ATRNL1: variants seen among roughly 807,000 people sequenced by gnomAD.
ATRNL1 encodes attractin like 1.
Under a neutral mutation model 182.7 loss-of-function variants are expected in ATRNL1, and 95 were observed. The ratio of observed to expected loss-of-function variants is 0.52; its 90% CI spans 0.44 to 0.62. ATRNL1 has a LOEUF of 0.62. ATRNL1 is among the 20% of genes least tolerant of loss of function. The pLI, the probability that ATRNL1 is intolerant of heterozygous loss-of-function variation, is 0.00. For synonymous variants in ATRNL1, 576 were observed against 568.3 expected (o/e 1.01, Z -0.19); for missense variants, 1,471 against 1,679.5 (o/e 0.88, Z 2.17).
chr10:115,143,682 C>T (rs1845843600), intron 5 of ATRNL1, among the ~76,000 whole-genome samples: 2 of 151,938 alleles, frequency 1.3e-5, no homozygotes, highest in South Asian at 4.2e-4. Flanking sequence ...CCTTATATGA[C>T]AGAGAGAAGG....
At chr10:115,237,519 A>C (rs1354987876) in intron 9 of ATRNL1, among the ~76,000 whole-genome samples, 152,391 of 152,392 alleles carry the variant, frequency 1, 76,195 homozygotes, top group Non-Finnish European at 1. Flanking sequence ...TACTAGACAT[A>C]AATATGTCTT....
intron 26 of ATRNL1, among the ~76,000 whole-genome samples, chr10:115,633,071 TG>T (rs539834629): frequency 1.3e-5 from 2 of 151,996 alleles, no homozygotes; most frequent in Admixed American, 1.3e-4. Context: ...TTTTGTATTT[TG>T]TTTTGTTTTG....
At chr10:115,644,493 C>G (rs186748234) in intron 26 of ATRNL1, among the ~76,000 whole-genome samples, 1 of 152,002 alleles carries the variant, frequency 6.6e-6, no homozygotes, top group Non-Finnish European at 1.5e-5. Flanking sequence ...GTCGCATAGC[C>G]CAAACATTTT....
intron 25 of ATRNL1, among the ~76,000 whole-genome samples, chr10:115,543,307 C>T (rs1852465362): frequency 1.3e-5 from 2 of 152,108 alleles, no homozygotes; most frequent in African/African-American, 2.4e-5. Context: ...AACATATAAG[C>T]AATTTTTTCT....
intron 26 of ATRNL1, among the ~76,000 whole-genome samples, chr10:115,605,182 C>T (rs1353828143): frequency 1.3e-5 from 2 of 152,072 alleles, no homozygotes; most frequent in African/African-American, 4.8e-5. Context: ...GTTATTATCT[C>T]CTTATAATAC....
intron 19 of ATRNL1, among the ~76,000 whole-genome samples, chr10:115,352,650 C>G (rs1856313543): frequency 6.6e-6 from 1 of 152,098 alleles, no homozygotes; most frequent in Middle Eastern, 3.2e-3. Context: ...ACTTGATACT[C>G]TCTTTGGGAG....
At chr10:115,127,974 G>C (rs1845048529) in intron 4 of ATRNL1, among the ~76,000 whole-genome samples, 1 of 152,130 alleles carries the variant, frequency 6.6e-6, no homozygotes, top group Non-Finnish European at 1.5e-5. Context: ...AAGTGATTAA[G>C]TAAACAAGTA....
At chr10:115,448,407 G>A (rs985233859) in intron 21 of ATRNL1, among the ~76,000 whole-genome samples, 34 of 152,166 alleles carry the variant, frequency 2.2e-4, no homozygotes, top group Non-Finnish European at 4.3e-4. Flanking sequence ...ATTAAATAAC[G>A]TGCTCTGGAA....
chr10:115,374,340 A>G (rs911076136), intron 19 of ATRNL1, among the ~76,000 whole-genome samples: 1 of 150,238 alleles, frequency 6.7e-6, no homozygotes, highest in Non-Finnish European at 1.5e-5. Context: ...TTCCTATTTC[A>G]TTTATTTATT....
chr10:115,876,476 A>G (rs1951703746), intron 28 of ATRNL1, among the ~76,000 whole-genome samples: 1 of 152,206 alleles, frequency 6.6e-6, no homozygotes, highest in East Asian at 1.9e-4. Flanking sequence ...GAACTTTATA[A>G]CAGGCATTTT....
At chr10:115,149,283 C>T (rs952571833) in intron 5 of ATRNL1, among the ~76,000 whole-genome samples, 1 of 152,142 alleles carries the variant, frequency 6.6e-6, no homozygotes, top group Non-Finnish European at 1.5e-5. Context: ...TCTGTTGGCA[C>T]AGCTTCCAGC....
rs185661250 is a variant in ATRNL1, at chr10:115,148,788, C to T, written c.830-11252C>T. 5.2e-5 allele frequency among the ~76,000 whole-genome samples: 7 copies of T among 134,924 alleles called. No individual in the cohort carries two copies. The Admixed American group carries it at 5.5e-4, about 11-fold the overall frequency. 88.5% of individuals were successfully genotyped at this position (134,924 alleles called of 152,430 possible). A position where few individuals can be genotyped will look rare whatever the true frequency, so the allele number is the denominator to read the frequency against. On this transcript the variant is annotated intron_variant, in intron 5 of 28. Transcript: ENST00000355044. The stretch of plus-strand genomic sequence containing the variant: ...TTTCTTTCTAAGAATCTGACTCTGT[C>T]GCCCAGGCTGGAATGCAGTGATGCG...
chr10:115,226,407 C>T (rs1227837260), intron 9 of ATRNL1, among the ~76,000 whole-genome samples: 1 of 151,846 alleles, frequency 6.6e-6, no homozygotes, highest in Non-Finnish European at 1.5e-5. Context: ...ATAGACTGAA[C>T]TATATTTATA....
chr10:115,567,254 G>A (rs1198927419), intron 26 of ATRNL1, among the ~76,000 whole-genome samples: 4 of 152,162 alleles, frequency 2.6e-5, no homozygotes, highest in African/African-American at 9.6e-5. Context: ...GTTTAGTGAC[G>A]TTAATATTTT....
intron 17 of ATRNL1, among the ~76,000 whole-genome samples, chr10:115,306,047 T>G (rs1209195625): frequency 6.6e-6 from 1 of 152,218 alleles, no homozygotes; most frequent in African/African-American, 2.4e-5. Context: ...TTAACAACTT[T>G]CTAAAAATTA....
chr10:115,571,736 C>A (rs1555003544), intron 26 of ATRNL1, among the ~76,000 whole-genome samples: 1 of 151,936 alleles, frequency 6.6e-6, no homozygotes, highest in African/African-American at 2.4e-5. Context: ...GCAGCTATTA[C>A]CTTTATGATA....
chr10:115,812,351 C>T (rs1405731932), intron 27 of ATRNL1, among the ~76,000 whole-genome samples: 4 of 152,098 alleles, frequency 2.6e-5, no homozygotes, highest in African/African-American at 9.7e-5. Context: ...TCTTGTTGTC[C>T]TATCCCTGTA....
chr10:115,918,451 G>A (rs1952945688), intron 28 of ATRNL1, among the ~76,000 whole-genome samples: 1 of 152,164 alleles, frequency 6.6e-6, no homozygotes, highest in Admixed American at 6.5e-5. Flanking sequence ...AGATCTAGAA[G>A]TAGTGCTAGC....
At chr10:115,858,805 T>C (rs564745446) in intron 28 of ATRNL1, among the ~76,000 whole-genome samples, 1 of 152,106 alleles carries the variant, frequency 6.6e-6, no homozygotes, top group African/African-American at 2.4e-5. Flanking sequence ...TTACTTTTAA[T>C]TGGTTATGAA....
Sources: allele counts gnomAD v4.1 joint callset (sites outside exome capture counted in the v4.1 genomes callset), GRCh38; gene constraint gnomAD v4.1.1; transcripts MANE v1.5; gene names NCBI Gene and HGNC (gene_info 2026-07-23, HGNC 2026-07-21).